PDCD6IP: variants seen among roughly 807,000 people sequenced by gnomAD.
PDCD6IP encodes the protein programmed cell death 6 interacting protein.
A neutral mutation model predicts 103.7 loss-of-function variants in PDCD6IP; 43 were observed. The observed-to-expected ratio is 0.41, with a 90% CI of 0.32 to 0.53. PDCD6IP has a LOEUF of 0.53. PDCD6IP is among the 20% of genes least tolerant of loss of function. PDCD6IP has a pLI of 0.16. For synonymous variants in PDCD6IP, 354 were observed against 378.7 expected, an observed-to-expected ratio of 0.93 and a Z score of 0.76; for missense variants, 871 against 1,036.7, an observed-to-expected ratio of 0.84 and a Z score of 2.20.
intron 12 of PDCD6IP, among the ~76,000 whole-genome samples, chr3:33,846,062 G>A (rs141938515): frequency 6.6e-6 from 1 of 152,172 alleles, no homozygotes; most frequent in African/African-American, 2.4e-5. Context: ...CTGATGACAG[G>A]AAAGAGAAAA....
intron 1 of PDCD6IP, 55 bp from the exon 2 acceptor site, chr3:33,812,017 A>G: frequency 6.5e-7 from 1 of 1,542,132 alleles, no homozygotes. Flanking sequence ...TTGTAATTAC[A>G]TAAATGCATG....
At position 33,867,897 on chromosome 3, in the gene PDCD6IP, G is replaced by C. The variant is rs1464300147; in HGVS notation, c.*1372G>C. On this transcript the variant is annotated 3_prime_UTR_variant, in exon 18 of 18. Transcript: ENST00000307296. ...TAATGATAGTGTTACTTGTCCCACT[G>C]TTGTTTTCATTGAGTTTGGATTTAT... The C allele has an allele frequency of 6.6e-6, 1 of 152,164 alleles. No homozygotes were observed. Among genetic ancestry groups the C allele is most frequent in the Non-Finnish European group, 1.5e-5 (1 of 68,024 alleles). 9.4% of individuals were successfully genotyped at this position (152,164 alleles called of 1,614,324 possible). A position where few individuals can be genotyped will look rare whatever the true frequency, so the allele number is the denominator to read the frequency against.
chr3:33,810,241 A>C (rs561279823), intron 1 of PDCD6IP, among the ~76,000 whole-genome samples: 29 of 152,128 alleles, frequency 1.9e-4, no homozygotes, highest in African/African-American at 6.5e-4. Flanking sequence ...TTCCCTATTC[A>C]CCTGTTTATT....
At chr3:33,826,905 A>G in intron 6 of PDCD6IP, 2 of 1,093,118 alleles carry the variant, frequency 1.8e-6, no homozygotes, top group Non-Finnish European at 1.1e-6. Flanking sequence ...GTGATTTGGT[A>G]CAAGCATGTA....
intron 15 of PDCD6IP, among the ~76,000 whole-genome samples, chr3:33,859,121 A>G (rs1406079984): frequency 6.6e-6 from 1 of 152,240 alleles, no homozygotes; most frequent in Non-Finnish European, 1.5e-5. Context: ...AATAGATTCA[A>G]ATACATACGT....
At chr3:33,850,238 C>G (rs1034085709) in intron 12 of PDCD6IP, among the ~76,000 whole-genome samples, 7 of 152,070 alleles carry the variant, frequency 4.6e-5, no homozygotes, top group African/African-American at 1.7e-4. Context: ...CCATTATGGT[C>G]TCTAAGGGAG....
intron 4 of PDCD6IP, among the ~76,000 whole-genome samples, chr3:33,823,261 C>T (rs1184983010): frequency 2.0e-5 from 3 of 152,102 alleles, no homozygotes; most frequent in Non-Finnish European, 4.4e-5. Flanking sequence ...TGTTTCACTC[C>T]CAAACCTCCC....
chr3:33,839,294 C>T (rs1471627805), intron 9 of PDCD6IP, among the ~76,000 whole-genome samples: 1 of 152,096 alleles, frequency 6.6e-6, no homozygotes, highest in Non-Finnish European at 1.5e-5. Flanking sequence ...ATTTAAAACA[C>T]GTGTAATCAT....
intron 15 of PDCD6IP, among the ~76,000 whole-genome samples, chr3:33,861,000 TAA>T (rs202127648): frequency 0.046 from 6,753 of 146,228 alleles, 209 homozygotes; most frequent in South Asian, 0.082. Context: ...TAGCCGTAGT[TAA>T]AAAAAAAAAA....
chr3:33,841,017 A>AT (rs1485675614), intron 9 of PDCD6IP, among the ~76,000 whole-genome samples: 3 of 145,494 alleles, frequency 2.1e-5, no homozygotes, highest in African/African-American at 7.7e-5. Flanking sequence ...AGTTTTTCTT[A>AT]TTTTTTGACT....
chr3:33,849,800 A>G (rs968566348), intron 12 of PDCD6IP, among the ~76,000 whole-genome samples: 8 of 152,226 alleles, frequency 5.3e-5, no homozygotes, highest in African/African-American at 1.7e-4. Flanking sequence ...AGTGCCTTAT[A>G]ATCTGAAATA....
At chr3:33,839,821 T>A (rs1482552503) in intron 9 of PDCD6IP, among the ~76,000 whole-genome samples, 3 of 152,358 alleles carry the variant, frequency 2.0e-5, no homozygotes, top group Non-Finnish European at 4.4e-5. Context: ...AGAATCTCAC[T>A]GTGATTTAGT....
Position 33,818,513 on chromosome 3 carries a change from C to CTT in PDCD6IP, c.335-3419_335-3418dup, listed in dbSNP as rs61405380. 2.8e-3 allele frequency among the ~76,000 whole-genome samples: 247 copies of CTT among 89,270 alleles called. 12 individuals carry two copies. The highest frequency in any genetic ancestry group is 4.4e-3 in the Non-Finnish European group (211 of 48,418). 58.6% of individuals were successfully genotyped at this position (89,270 alleles called of 152,430 possible). A position where few individuals can be genotyped will look rare whatever the true frequency, so the allele number is the denominator to read the frequency against. ...AGAACTTGAAGATATTGATCCCTTG[C>CTT]TTTTTTTTTTTTTTTTTTTTTTTTG... On this transcript the variant is annotated intron_variant, in intron 3 of 17. Coordinates refer to ENST00000307296, the MANE Select transcript of PDCD6IP (RefSeq NM_013374.6).
At chr3:33,863,063 T>TC (rs1409677869) in intron 15 of PDCD6IP, among the ~76,000 whole-genome samples, 1 of 152,212 alleles carries the variant, frequency 6.6e-6, no homozygotes, top group Non-Finnish European at 1.5e-5. Context: ...TTTGTTTTTT[T>TC]CAGTTTTTGT....
At chr3:33,847,619 A>G (rs1376533834) in intron 12 of PDCD6IP, among the ~76,000 whole-genome samples, 1 of 152,162 alleles carries the variant, frequency 6.6e-6, no homozygotes, top group East Asian at 1.9e-4. Context: ...AAAAAGTCCA[A>G]GTTTGATGGT....
intron 15 of PDCD6IP, among the ~76,000 whole-genome samples, chr3:33,862,127 G>A (rs908139816): frequency 3.3e-5 from 5 of 152,194 alleles, no homozygotes; most frequent in African/African-American, 1.2e-4. Flanking sequence ...TTGTGTTAAA[G>A]CTTTATAATA....
At chr3:33,808,983 C>T (rs887605546) in intron 1 of PDCD6IP, among the ~76,000 whole-genome samples, 1 of 152,200 alleles carries the variant, frequency 6.6e-6, no homozygotes, top group African/African-American at 2.4e-5. Flanking sequence ...ATTGGAAATT[C>T]TCAGATATCT....
intron 8 of PDCD6IP, among the ~76,000 whole-genome samples, chr3:33,837,621 C>G (rs1457633119): frequency 4.0e-5 from 6 of 151,194 alleles, no homozygotes; most frequent in Non-Finnish European, 8.8e-5. Flanking sequence ...CCGAGTCTTG[C>G]TCTGTTGCCC....
At chr3:33,861,619 G>T (rs1697957979) in intron 15 of PDCD6IP, among the ~76,000 whole-genome samples, 1 of 152,146 alleles carries the variant, frequency 6.6e-6, no homozygotes, top group Admixed American at 6.5e-5. Context: ...ATGCTCAGTT[G>T]ATATTGTCAA....
Sources: allele counts gnomAD v4.1 joint callset (sites outside exome capture counted in the v4.1 genomes callset), GRCh38; gene constraint gnomAD v4.1.1; transcripts MANE v1.5; gene names NCBI Gene and HGNC (gene_info 2026-07-23, HGNC 2026-07-21).